Variants in ZBTB20 observed in about 807,000 individuals in gnomAD.
The protein encoded by ZBTB20 is zinc finger and BTB domain containing 20, also known as zinc finger and BTB domain-containing protein 20.
A neutral mutation model predicts 56.9 loss-of-function variants in ZBTB20; 9 were observed. That is an observed-to-expected ratio of 0.16 (90% CI 0.10 to 0.28). The LOEUF is 0.28. ZBTB20 is among the 10% of genes least tolerant of loss of function. ZBTB20 has a pLI of 1.00. For missense variants in ZBTB20, 655 were observed against 1,003.0 expected (o/e 0.65, Z 4.69); for synonymous variants, 417 against 420.7 (o/e 0.99, Z 0.11).
chr3:115,130,793 C>T (rs895198867), intron 1 of ZBTB20, among the ~76,000 whole-genome samples: 1 of 152,104 alleles, frequency 6.6e-6, no homozygotes, highest in East Asian at 1.9e-4. Flanking sequence ...TGGAGTTTCG[C>T]TCTTGTTGCC....
chr3:114,916,702 T>A (rs1004759248), intron 3 of ZBTB20, among the ~76,000 whole-genome samples: 6 of 152,154 alleles, frequency 3.9e-5, no homozygotes, highest in Non-Finnish European at 7.4e-5. Flanking sequence ...TTCAGCACTT[T>A]AAATATGTCA....
chr3:114,341,619 C>T (rs1047500320), intron 11 of ZBTB20, among the ~76,000 whole-genome samples: 1 of 152,216 alleles, frequency 6.6e-6, no homozygotes, highest in Non-Finnish European at 1.5e-5. Context: ...TCTAATCTGT[C>T]TATAAATTGA....
At chr3:115,140,708 A>T (rs535688596) in intron 1 of ZBTB20, among the ~76,000 whole-genome samples, 1 of 152,306 alleles carries the variant, frequency 6.6e-6, no homozygotes, top group South Asian at 2.1e-4. Context: ...AAATACAAAT[A>T]CATTTCTAGA....
intron 7 of ZBTB20, among the ~76,000 whole-genome samples, chr3:114,445,910 C>A (rs767287849): frequency 1.3e-5 from 2 of 152,208 alleles, no homozygotes; most frequent in Non-Finnish European, 1.5e-5. Flanking sequence ...AATTAACTGA[C>A]TTTCTAACTT....
At chr3:114,753,681 G>A (rs1578713047) in intron 5 of ZBTB20, among the ~76,000 whole-genome samples, 1 of 151,756 alleles carries the variant, frequency 6.6e-6, no homozygotes, top group African/African-American at 2.4e-5. Context: ...TGATCTGCCC[G>A]CCTTGGCCTT....
intron 5 of ZBTB20, among the ~76,000 whole-genome samples, chr3:114,763,777 C>T (rs190605801): frequency 7.2e-4 from 110 of 152,022 alleles, no homozygotes; most frequent in Middle Eastern, 3.5e-3. Context: ...TTCTAAAATG[C>T]ATACACAGAT....
At chr3:115,146,806 T>G (rs1341360417) in intron 1 of ZBTB20, among the ~76,000 whole-genome samples, 1 of 152,126 alleles carries the variant, frequency 6.6e-6, no homozygotes, top group East Asian at 1.9e-4. Flanking sequence ...TCAGCTCCTC[T>G]TCTTGGAAGC....
At chr3:114,639,469 G>GTT (rs34453811) in intron 6 of ZBTB20, among the ~76,000 whole-genome samples, 52 of 122,692 alleles carry the variant, frequency 4.2e-4, no homozygotes, top group African/African-American at 1.4e-3. Context: ...AATTTCATTA[G>GTT]TTTTTTTTTT....
At chr3:115,039,571 T>C (rs2081060918) in intron 2 of ZBTB20, among the ~76,000 whole-genome samples, 1 of 152,052 alleles carries the variant, frequency 6.6e-6, no homozygotes, top group Non-Finnish European at 1.5e-5. Context: ...TATGATTCTA[T>C]TAGTCTTCTC....
At chr3:114,693,066 C>G (rs2062793331) in intron 6 of ZBTB20, among the ~76,000 whole-genome samples, 1 of 152,144 alleles carries the variant, frequency 6.6e-6, no homozygotes, top group Non-Finnish European at 1.5e-5. Context: ...CAAAGTATCA[C>G]TAAATGTGTT....
At chr3:115,031,145 G>A (rs1472644976) in intron 2 of ZBTB20, among the ~76,000 whole-genome samples, 1 of 151,406 alleles carries the variant, frequency 6.6e-6, no homozygotes, top group African/African-American at 2.4e-5. Context: ...GAGTAAACCC[G>A]ATATTATCTA....
chr3:115,133,852 T>G (rs2084579747), intron 1 of ZBTB20, among the ~76,000 whole-genome samples: 1 of 152,228 alleles, frequency 6.6e-6, no homozygotes, highest in African/African-American at 2.4e-5. Flanking sequence ...GAGTATAAAT[T>G]TTATGTGAAC....
chr3:114,363,241 G>A (rs932248907), intron 10 of ZBTB20, among the ~76,000 whole-genome samples: 1 of 152,156 alleles, frequency 6.6e-6, no homozygotes, highest in African/African-American at 2.4e-5. Flanking sequence ...ACTGTGATCA[G>A]CTATTAGAAT....
chr3:114,983,801 T>C (rs1034016318), intron 2 of ZBTB20, among the ~76,000 whole-genome samples: 4 of 152,048 alleles, frequency 2.6e-5, no homozygotes, highest in African/African-American at 7.2e-5. Context: ...TTATAGGTTT[T>C]AAATGCTTAG....
intron 3 of ZBTB20, among the ~76,000 whole-genome samples, chr3:114,905,562 G>A (rs138439726): frequency 1.3e-5 from 2 of 151,874 alleles, no homozygotes; most frequent in Non-Finnish European, 2.9e-5. Flanking sequence ...CTTAAATATT[G>A]GCTAAAGGAA....
chr3:114,474,440 T>C (rs1293342943), intron 7 of ZBTB20, among the ~76,000 whole-genome samples: 1 of 152,200 alleles, frequency 6.6e-6, no homozygotes, highest in Non-Finnish European at 1.5e-5. Flanking sequence ...GCAGCCAAAA[T>C]TGGTACTAAA....
At chr3:114,649,523 T>C (rs1334289382) in intron 6 of ZBTB20, among the ~76,000 whole-genome samples, 1 of 151,908 alleles carries the variant, frequency 6.6e-6, no homozygotes, top group African/African-American at 2.4e-5. Flanking sequence ...TTGTGACTCA[T>C]GGGTGTACTT....
intron 4 of ZBTB20, among the ~76,000 whole-genome samples, chr3:114,811,595 A>C (rs2072517892): frequency 6.6e-6 from 1 of 152,246 alleles, no homozygotes; most frequent in Non-Finnish European, 1.5e-5. Flanking sequence ...TTAATTGTGA[A>C]TATCTTACTG....
At chr3:114,678,900 A>T (rs1181759260) in intron 6 of ZBTB20, among the ~76,000 whole-genome samples, 1 of 152,190 alleles carries the variant, frequency 6.6e-6, no homozygotes, top group East Asian at 1.9e-4. Context: ...GTTAGGGAAG[A>T]TGGGACTAGT....
Sources: allele counts gnomAD v4.1 joint callset (sites outside exome capture counted in the v4.1 genomes callset), GRCh38; gene constraint gnomAD v4.1.1; transcripts MANE v1.5; gene names NCBI Gene and HGNC (gene_info 2026-07-23, HGNC 2026-07-21).